ANKRD26: variants seen among roughly 807,000 people sequenced by gnomAD.
The protein encoded by ANKRD26 is ankyrin repeat domain-containing protein 26.
Under a neutral mutation model 208.7 loss-of-function variants are expected in ANKRD26, and 141 were observed. The ratio of observed to expected loss-of-function variants is 0.68; its 90% CI spans 0.59 to 0.78. ANKRD26 has a LOEUF of 0.78. Among genes scored for constraint, ANKRD26 ranks in the 30% least tolerant of loss-of-function variants. The probability of loss-of-function intolerance (pLI) is 0.00; values close to 1 mark genes in which losing one functional copy is unlikely to be tolerated. For synonymous variants in ANKRD26, 636 were observed against 660.4 expected, an observed-to-expected ratio of 0.96 and a Z score of 0.57; for missense variants, 1,889 against 1,938.7, an observed-to-expected ratio of 0.97 and a Z score of 0.48.
chr10:26,989,443 G>A (rs2052447035), downstream of ANKRD26, among the ~76,000 whole-genome samples: 1 of 152,152 alleles, frequency 6.6e-6, no homozygotes, highest in African/African-American at 2.4e-5. Context: ...TGATGAAAAA[G>A]ACTTATGGGC....
rs746685771 is a variant in ANKRD26, at chr10:27,017,674, T to A, written c.4334A>T (p.Glu1445Val). ...LSMKTVQKKC[E>V]KLQKNKKKLE... ...CTTCTTTTTATTCTTCTGTAGTTTT[T>A]CACATTTCTTTTGTACTGTTTTCAT... The change falls in exon 30 of 34, where the codon GAA (glutamate) becomes GTA (valine). Residue 1445 changes from glutamate to valine, a missense_variant. Around this residue, in one of 3 missense-constraint regions of ANKRD26, gnomAD observed 613 missense variants for 648.2 expected, o/e 0.95. Coordinates refer to ENST00000376087, the MANE Select transcript of ANKRD26 (RefSeq NM_014915.3). 1 of 1,613,556 alleles carries A rather than the reference T, an allele frequency of 6.2e-7. No individual in the cohort carries two copies. Among genetic ancestry groups the A allele is most frequent in the South Asian group, 1.1e-5 (1 of 91,030 alleles).
At chr10:26,952,936 C>A in the ANKRD26 span, among the ~76,000 whole-genome samples, 13 of 152,110 alleles carry the variant, frequency 8.5e-5, no homozygotes, top group African/African-American at 3.1e-4. Flanking sequence ...ACGAAAAGAG[C>A]CAATACAGAT....
intron 11 of ANKRD26, among the ~76,000 whole-genome samples, chr10:27,064,365 G>A (rs1390086238): frequency 1.3e-5 from 2 of 151,928 alleles, no homozygotes; most frequent in East Asian, 1.9e-4. Context: ...TAACTTACGC[G>A]CACAGTTCAA....
chr10:26,973,163 T>C (rs2052175026), downstream of ANKRD26, among the ~76,000 whole-genome samples: 1 of 152,212 alleles, frequency 6.6e-6, no homozygotes, highest in Admixed American at 6.5e-5. Context: ...TTTTTGCATT[T>C]TAAAAAATTT....
downstream of ANKRD26, among the ~76,000 whole-genome samples, chr10:26,973,232 T>C (rs1479873727): frequency 6.6e-6 from 1 of 152,196 alleles, no homozygotes; most frequent in Non-Finnish European, 1.5e-5. Context: ...AATTTGTCAC[T>C]TTCTTTACAA....
chr10:27,024,653 G>C, intron 27 of ANKRD26, 94 bp from the exon 28 acceptor site: 1 of 684,820 alleles, frequency 1.5e-6, no homozygotes, highest in Non-Finnish European at 2.5e-6. Flanking sequence ...AGTAACATAT[G>C]TTTAGGCATA....
At chr10:27,060,454 T>A in intron 14 of ANKRD26, 37 bp from the exon 15 acceptor site, 1 of 1,569,000 alleles carries the variant, frequency 6.4e-7, no homozygotes. Context: ...TAATAAATAA[T>A]GTATACTTTA....
intron 32 of ANKRD26, among the ~76,000 whole-genome samples, chr10:27,009,167 A>G (rs1226620445): frequency 6.6e-6 from 1 of 152,092 alleles, no homozygotes; most frequent in Non-Finnish European, 1.5e-5. Context: ...CACATAAATG[A>G]CAGCTGAGGG....
intron 27 of ANKRD26, among the ~76,000 whole-genome samples, 196 bp from the exon 28 acceptor site, chr10:27,024,755 A>G (rs1366934694): frequency 6.6e-6 from 1 of 152,178 alleles, no homozygotes; most frequent in Non-Finnish European, 1.5e-5. Flanking sequence ...CTGGAATTTA[A>G]ATTACCAAAA....
At chr10:27,080,663 C>T (rs1483888794) in intron 6 of ANKRD26, 1 of 985,468 alleles carries the variant, frequency 1.0e-6, no homozygotes, top group Non-Finnish European at 1.2e-6. Context: ...CCCTCTTCTG[C>T]AGGGCTCCAT....
At chr10:27,084,767 G>A (rs1302213880) in intron 5 of ANKRD26, among the ~76,000 whole-genome samples, 1 of 151,592 alleles carries the variant, frequency 6.6e-6, no homozygotes, top group Non-Finnish European at 1.5e-5. Context: ...TACTTGGGAG[G>A]CTGAGGCAAA....
At chr10:26,951,013 C>CTTTTCTTTTTTTTTTTTTTTTTTT in the ANKRD26 span, among the ~76,000 whole-genome samples, 59 of 100,912 alleles carry the variant, frequency 5.8e-4, 5 homozygotes, top group East Asian at 8.5e-3. Context: ...CTTTTCTTTT[C>CTTTTCTTTTTTTTTTTTTTTTTTT]TTTTTCTTTT....
At chr10:26,980,820 G>A (rs376274418) in exon 5 of ANKRD26, among the ~76,000 whole-genome samples, 98 of 152,206 alleles carry the variant, frequency 6.4e-4, no homozygotes, top group African/African-American at 2.2e-3. Flanking sequence ...CAGAGAGGTC[G>A]GAGTAAGCTG....
intron 11 of ANKRD26, among the ~76,000 whole-genome samples, chr10:27,065,747 A>G (rs2055217481): frequency 6.7e-6 from 1 of 150,158 alleles, no homozygotes; most frequent in South Asian, 2.1e-4. Context: ...AAAAAAAACA[A>G]AAAAAACTAC....
At chr10:26,960,232 G>A in the ANKRD26 span, among the ~76,000 whole-genome samples, 2 of 152,174 alleles carry the variant, frequency 1.3e-5, no homozygotes, top group Non-Finnish European at 2.9e-5. Flanking sequence ...AAAAGAAGGT[G>A]GCAGAAATGA....
Position 27,067,776 on chromosome 10 carries a change from A to G in ANKRD26, c.1078-490T>C, listed in dbSNP as rs374372438. Among the ~76,000 whole-genome samples, 5 of 152,334 alleles carry G rather than the reference A, an allele frequency of 3.3e-5. No homozygotes were observed. The East Asian group carries it at 7.7e-4, about 23-fold the overall frequency. ...GGTCCCACCTCCAACACTGGGGATT[A>G]CATTTCAATATGAGATTTGGGGCAG... On this transcript the variant is annotated intron_variant, in intron 9 of 33. Transcript: ENST00000376087.
chr10:27,029,037 T>C, intron 26 of ANKRD26, 92 bp from the exon 27 acceptor site: 1 of 1,154,400 alleles, frequency 8.7e-7, no homozygotes, highest in South Asian at 1.5e-5. Flanking sequence ...CATAATTACA[T>C]AAATTCTTAA....
chr10:27,059,305 G>C (rs1451627005), intron 15 of ANKRD26, among the ~76,000 whole-genome samples: 1 of 152,182 alleles, frequency 6.6e-6, no homozygotes, highest in African/African-American at 2.4e-5. Flanking sequence ...ACTTAAACCA[G>C]AGCTACTTGT....
intron 25 of ANKRD26, among the ~76,000 whole-genome samples, chr10:27,030,066 T>C (rs573104714): frequency 2.0e-5 from 3 of 152,342 alleles, no homozygotes; most frequent in Non-Finnish European, 2.9e-5. Flanking sequence ...ACATGGCATA[T>C]AGTGAGCTAT....
Sources: gnomAD v4.1 joint callset for allele counts (sites outside exome capture counted in the v4.1 genomes callset) on GRCh38, gnomAD v4.1.1 for gene constraint, gnomAD v4.1.1 regional missense constraint, MANE v1.5 for transcripts, NCBI Gene and HGNC (gene_info 2026-07-23, HGNC 2026-07-21) for gene names.